The following PCDH15 variants were observed in gnomAD, a reference collection of about 807,000 sequenced individuals.
PCDH15 encodes protocadherin-15.
A neutral mutation model predicts 178.5 loss-of-function variants in PCDH15; 129 were observed. That is an observed-to-expected ratio of 0.72 (90% CI 0.63 to 0.84). The LOEUF is 0.84. Ranked by LOEUF, PCDH15 falls within the 40% of genes least tolerant of loss-of-function variation. The pLI is 0.00. For synonymous variants in PCDH15, 800 were observed against 732.0 expected (o/e 1.09, Z -1.50); for missense variants, 2,230 against 2,099.9 (o/e 1.06, Z -1.21).
chr10:54,886,334 CT>C (rs983330177), intron 3 of PCDH15, among the ~76,000 whole-genome samples: 28 of 152,130 alleles, frequency 1.8e-4, no homozygotes, highest in African/African-American at 6.3e-4. Flanking sequence ...AGATAAAAGA[CT>C]TTTTGGCATT....
At chr10:54,690,997 A>G (rs2095111425) in intron 1 of PCDH15, among the ~76,000 whole-genome samples, 1 of 152,152 alleles carries the variant, frequency 6.6e-6, no homozygotes, top group Non-Finnish European at 1.5e-5. Context: ...AACTTCTTAT[A>G]TGGTATGGTG....
chr10:54,719,439 T>C (rs2095518822), intron 1 of PCDH15, among the ~76,000 whole-genome samples: 1 of 151,860 alleles, frequency 6.6e-6, no homozygotes, highest in African/African-American at 2.4e-5. Flanking sequence ...GTAAGGAAAA[T>C]GAAGAAATAA....
chr10:55,610,902 A>G (rs1007064146), intron 2 of PCDH15, among the ~76,000 whole-genome samples: 4 of 152,068 alleles, frequency 2.6e-5, no homozygotes, highest in African/African-American at 9.7e-5. Context: ...TGTTTTAGCT[A>G]AAAAGAGTGA....
At chr10:54,023,264 A>G in intron 18 of PCDH15, 67 bp from the exon 19 acceptor site, 1 of 1,428,926 alleles carries the variant, frequency 7.0e-7, no homozygotes, top group Non-Finnish European at 9.7e-7. Context: ...AAATGAAGGT[A>G]ACAGTTAACA....
intron 2 of PCDH15, among the ~76,000 whole-genome samples, chr10:54,900,387 TGAAG>T (rs1954619583): frequency 6.6e-6 from 1 of 152,174 alleles, no homozygotes; most frequent in South Asian, 2.1e-4. Flanking sequence ...CAGGGCAGAT[TGAAG>T]GAGATTTGAG....
intron 18 of PCDH15, among the ~76,000 whole-genome samples, chr10:54,033,448 C>T (rs1301175590): frequency 6.6e-6 from 1 of 151,940 alleles, no homozygotes; most frequent in Admixed American, 6.6e-5. Context: ...AATGCATGCT[C>T]TAGCCAAAAG....
intron 5 of PCDH15, among the ~76,000 whole-genome samples, chr10:54,353,386 G>A (rs565264209): frequency 6.6e-6 from 1 of 151,992 alleles, no homozygotes; most frequent in Non-Finnish European, 1.5e-5. Flanking sequence ...AACTTATGAA[G>A]GTACAATTTA....
At chr10:55,187,367 C>T (rs904063798) in intron 1 of PCDH15, among the ~76,000 whole-genome samples, 15 of 151,910 alleles carry the variant, frequency 9.9e-5, no homozygotes, top group African/African-American at 3.6e-4. Context: ...AGGTAGCATA[C>T]ATGAGACAGA....
intron 2 of PCDH15, among the ~76,000 whole-genome samples, chr10:55,026,968 TA>T (rs1358895523): frequency 3.3e-5 from 5 of 151,786 alleles, no homozygotes; most frequent in African/African-American, 1.2e-4. Context: ...AAAGGGCATA[TA>T]AAAAACAGGC....
chr10:55,147,137 T>C (rs1459007798), intron 2 of PCDH15, among the ~76,000 whole-genome samples: 1 of 151,550 alleles, frequency 6.6e-6, no homozygotes. Context: ...AAAGAAGATA[T>C]ATTTAACAAT....
intron 1 of PCDH15, among the ~76,000 whole-genome samples, chr10:55,275,111 A>G (rs1022056866): frequency 1.2e-4 from 19 of 152,082 alleles, no homozygotes; most frequent in African/African-American, 3.6e-4. Context: ...CCATTCTAAC[A>G]TATTCTGACC....
chr10:54,555,588 T>A (rs1590082224), intron 2 of PCDH15, among the ~76,000 whole-genome samples: 1 of 131,818 alleles, frequency 7.6e-6, no homozygotes, highest in Non-Finnish European at 1.7e-5. Context: ...AAAAAAAAAA[T>A]TGGCCGGGTG....
chr10:54,579,472 A>G (rs2090830974), intron 2 of PCDH15, among the ~76,000 whole-genome samples: 1 of 152,158 alleles, frequency 6.6e-6, no homozygotes, highest in East Asian at 1.9e-4. Flanking sequence ...TCAATATTGG[A>G]GCACCCAATT....
rs910623002 is a variant in PCDH15 at position 54,638,716 on chromosome 10, A to T, written c.91+25456T>A. ...CTCAAAGAAAAAGAAATCATTATAT[A>T]AAAAAGACACATACACATGCGCATT... On this transcript the variant is annotated intron_variant, in intron 2 of 37. Coordinates refer to ENST00000644397, the MANE Select transcript of PCDH15 (RefSeq NM_001384140.1). 9.7e-4 allele frequency among the ~76,000 whole-genome samples: 147 copies of T among 152,270 alleles called. 3 individuals are homozygous for T. The highest frequency in any genetic ancestry group is 1.0e-3 in the South Asian group (5 of 4,828).
intron 2 of PCDH15, among the ~76,000 whole-genome samples, chr10:55,470,504 G>T (rs1839933427): frequency 6.6e-6 from 1 of 151,976 alleles, no homozygotes; most frequent in Non-Finnish European, 1.5e-5. Context: ...AGTATACTTT[G>T]ATAACAGTTT....
intron 2 of PCDH15, among the ~76,000 whole-genome samples, chr10:55,522,257 TC>T (rs1462916123): frequency 6.6e-5 from 10 of 151,938 alleles, no homozygotes; most frequent in Non-Finnish European, 1.2e-4. Context: ...ATGGGATATC[TC>T]ACTATGGTTT....
intron 1 of PCDH15, among the ~76,000 whole-genome samples, chr10:54,753,417 C>G (rs1591453453): frequency 6.6e-6 from 1 of 152,162 alleles, no homozygotes; most frequent in East Asian, 1.9e-4. Context: ...CTCCTGACCT[C>G]AAGCTATCTG....
upstream of PCDH15, among the ~76,000 whole-genome samples, chr10:54,803,785 T>C (rs1377246869): frequency 6.6e-6 from 1 of 152,222 alleles, no homozygotes; most frequent in Non-Finnish European, 1.5e-5. Flanking sequence ...GAGATTGTAT[T>C]AGGTGCTTTA....
At chr10:54,366,389 A>C (rs1946796146) in intron 5 of PCDH15, among the ~76,000 whole-genome samples, 1 of 152,198 alleles carries the variant, frequency 6.6e-6, no homozygotes, top group Non-Finnish European at 1.5e-5. Flanking sequence ...AATAGTATGA[A>C]AAATACCTTG....
Sources: allele counts gnomAD v4.1 joint callset (sites outside exome capture counted in the v4.1 genomes callset), GRCh38; gene constraint gnomAD v4.1.1; transcripts MANE v1.5; gene names NCBI Gene and HGNC (gene_info 2026-07-23, HGNC 2026-07-21).